The following ABTB3 variants were observed in gnomAD, a reference collection of about 807,000 sequenced individuals.
The protein encoded by ABTB3 is ankyrin repeat- and BTB/POZ domain-containing protein 3.
At chr12:107,497,992 G>T in the ABTB3 span, among the ~76,000 whole-genome samples, 1 of 152,294 alleles carries the variant, frequency 6.6e-6, no homozygotes, top group East Asian at 1.9e-4. Context: ...GCAGAAGACA[G>T]GCTCAGAACA....
At chr12:107,580,854 C>T in the ABTB3 span, 1 of 1,546,768 alleles carries the variant, frequency 6.5e-7, no homozygotes, top group East Asian at 2.4e-5. Context: ...GGATAATATT[C>T]CCAGATCAGT....
chr12:107,556,596 G>A, the ABTB3 span, among the ~76,000 whole-genome samples: 33 of 152,300 alleles, frequency 2.2e-4, no homozygotes, highest in African/African-American at 7.0e-4. Context: ...TCTGTGTGAA[G>A]GTGAAATGTC....
At chr12:107,534,779 T>C in the ABTB3 span, among the ~76,000 whole-genome samples, 2 of 152,214 alleles carry the variant, frequency 1.3e-5, no homozygotes, top group South Asian at 4.1e-4. Context: ...TAACAAGTAA[T>C]GAGACTGACT....
At chr12:107,419,379 T>C in the ABTB3 span, among the ~76,000 whole-genome samples, 1 of 152,304 alleles carries the variant, frequency 6.6e-6, no homozygotes, top group African/African-American at 2.4e-5. Context: ...CCTTCCATGA[T>C]CTGGCCTCTG....
the ABTB3 span, among the ~76,000 whole-genome samples, chr12:107,537,558 GTCT>G: frequency 6.6e-6 from 1 of 152,104 alleles, no homozygotes; most frequent in Non-Finnish European, 1.5e-5. Context: ...TGCTTCTCAG[GTCT>G]TCCTGATGGC....
At chr12:107,434,882 C>A in the ABTB3 span, among the ~76,000 whole-genome samples, 2 of 149,834 alleles carry the variant, frequency 1.3e-5, no homozygotes, top group African/African-American at 2.5e-5. Context: ...AAAAAAAAAA[C>A]AACAACAACA....
the ABTB3 span, among the ~76,000 whole-genome samples, chr12:107,404,539 G>GACTGCCTT: frequency 6.6e-6 from 1 of 152,184 alleles, no homozygotes; most frequent in Non-Finnish European, 1.5e-5. Context: ...GTGTGCCCAA[G>GACTGCCTT]ACTGCCTTTG....
chr12:107,335,286 C>CAAA, the ABTB3 span, among the ~76,000 whole-genome samples: 22 of 18,646 alleles, frequency 1.2e-3, 4 homozygotes, highest in Admixed American at 2.0e-3. Flanking sequence ...GACCTTGTCT[C>CAAA]AAAAAAAAAA....
chr12:107,386,894 T>A, the ABTB3 span, among the ~76,000 whole-genome samples: 1 of 144,068 alleles, frequency 6.9e-6, no homozygotes, highest in Non-Finnish European at 1.5e-5. Context: ...ATGGAAAGTG[T>A]GTGTGTGTGT....
At chr12:107,619,565 G>T in the ABTB3 span, among the ~76,000 whole-genome samples, 1 of 152,164 alleles carries the variant, frequency 6.6e-6, no homozygotes, top group Non-Finnish European at 1.5e-5. Context: ...TTAATCCTGG[G>T]CAAGACTCTT....
chr12:107,450,642 G>A, the ABTB3 span, among the ~76,000 whole-genome samples: 1 of 152,132 alleles, frequency 6.6e-6, no homozygotes, highest in African/African-American at 2.4e-5. Flanking sequence ...AGTCTGTCCA[G>A]GTTTGTCGAC....
the ABTB3 span, among the ~76,000 whole-genome samples, chr12:107,337,104 T>A: frequency 1.3e-5 from 2 of 152,264 alleles, no homozygotes; most frequent in Non-Finnish European, 2.9e-5. Flanking sequence ...TAATCCAAAG[T>A]TGAAAGCTGT....
the ABTB3 span, among the ~76,000 whole-genome samples, chr12:107,461,190 C>G: frequency 6.6e-6 from 1 of 152,048 alleles, no homozygotes. Flanking sequence ...ATGGGCGAAC[C>G]CACCCCCATG....
the ABTB3 span, among the ~76,000 whole-genome samples, chr12:107,455,427 T>C: frequency 6.6e-6 from 1 of 151,024 alleles, no homozygotes; most frequent in African/African-American, 2.4e-5. Context: ...AAGATCTGGT[T>C]GTGATGGGAT....
At chr12:107,491,193 A>G in the ABTB3 span, among the ~76,000 whole-genome samples, 1 of 152,182 alleles carries the variant, frequency 6.6e-6, no homozygotes, top group Admixed American at 6.5e-5. Flanking sequence ...TCCATCAGCC[A>G]AGTGAATGGC....
At chr12:107,418,031 T>C in the ABTB3 span, among the ~76,000 whole-genome samples, 1 of 152,164 alleles carries the variant, frequency 6.6e-6, no homozygotes, top group Non-Finnish European at 1.5e-5. Flanking sequence ...TAATACTGAG[T>C]GTCAATTTGA....
the ABTB3 span, among the ~76,000 whole-genome samples, chr12:107,472,510 A>G: frequency 6.6e-6 from 1 of 152,246 alleles, no homozygotes; most frequent in African/African-American, 2.4e-5. Context: ...ACCTTAGGCA[A>G]TTTGGTTGGC....
the ABTB3 span, among the ~76,000 whole-genome samples, chr12:107,611,740 C>G: frequency 6.6e-6 from 1 of 152,168 alleles, no homozygotes; most frequent in African/African-American, 2.4e-5. Context: ...ACTTTTGTTT[C>G]CTTTTACACA....
At chr12:107,408,850 C>T in the ABTB3 span, among the ~76,000 whole-genome samples, 1 of 152,206 alleles carries the variant, frequency 6.6e-6, no homozygotes, top group Admixed American at 6.5e-5. Context: ...GAGATTGAAC[C>T]TTGCACCAGA....
Sources: gnomAD v4.1 joint callset for allele counts (sites outside exome capture counted in the v4.1 genomes callset) on GRCh38, gnomAD v4.1.1 for gene constraint, MANE v1.5 for transcripts, NCBI Gene and HGNC (gene_info 2026-07-23, HGNC 2026-07-21) for gene names.